Variants in NPSR1 observed in about 807,000 individuals in gnomAD.
The protein encoded by NPSR1 is neuropeptide S receptor.
Under a neutral mutation model 46.9 loss-of-function variants are expected in NPSR1, and 48 were observed. The observed-to-expected ratio is 1.02, with a 90% confidence interval of 0.81 to 1.30. NPSR1 has a LOEUF of 1.30. Ranked by LOEUF, NPSR1 falls within the 50% of genes most tolerant of loss-of-function variation. The probability of loss-of-function intolerance (pLI) is 0.00; values close to 1 mark genes in which losing one functional copy is unlikely to be tolerated. For missense variants in NPSR1, 450 were observed against 449.5 expected, an observed-to-expected ratio of 1.00 and a Z score of -0.01; for synonymous variants, 176 against 168.1, an observed-to-expected ratio of 1.05 and a Z score of -0.36.
chr7:34,849,373 C>T, intron 8 of NPSR1, 192 bp from the exon 9 acceptor site: 2 of 1,552,218 alleles, frequency 1.3e-6, no homozygotes, highest in Non-Finnish European at 1.7e-6. Flanking sequence ...GTCCTCTGGG[C>T]TCTGGTGCTG....
intron 2 of NPSR1, among the ~76,000 whole-genome samples, chr7:34,734,060 C>G (rs1583905168): frequency 6.6e-6 from 1 of 152,016 alleles, no homozygotes; most frequent in African/African-American, 2.4e-5. Context: ...GAATGGAGGA[C>G]AGATGGGAAA....
chr7:34,715,393 G>T (rs1180363029), intron 2 of NPSR1, among the ~76,000 whole-genome samples: 1 of 152,188 alleles, frequency 6.6e-6, no homozygotes, highest in Non-Finnish European at 1.5e-5. Flanking sequence ...AAACATTTGA[G>T]TCAGAAAACC....
chr7:34,737,423 C>G (rs1784730109), intron 2 of NPSR1, among the ~76,000 whole-genome samples: 1 of 152,194 alleles, frequency 6.6e-6, no homozygotes. Flanking sequence ...TCTTTACCAC[C>G]CATTAGAGGA....
chr7:34,792,719 A>G lies in NPSR1; in HGVS notation c.384+14154A>G, dbSNP rs144704099. Among the ~76,000 whole-genome samples, 425 of 123,390 alleles carry G rather than the reference A, an allele frequency of 3.4e-3. 10 individuals are homozygous for G. Among genetic ancestry groups the G allele is most frequent in the African/African-American group, 0.012 (400 of 32,712 alleles). The allele number at this position is 123,390 out of a possible 152,430, so 80.9% of individuals were successfully genotyped here. ...TATATACGTATATATATATATTTAT[A>G]TATATATATATATATTAGCCAGGCA... is the stretch of plus-strand genomic sequence containing the variant. On this transcript the variant is annotated intron_variant, in intron 3 of 8. Coordinates refer to ENST00000360581, the MANE Select transcript of NPSR1 (RefSeq NM_207172.2).
chr7:34,792,487 C>T (rs1054439014), intron 3 of NPSR1, among the ~76,000 whole-genome samples: 17 of 145,772 alleles, frequency 1.2e-4, no homozygotes, highest in African/African-American at 4.3e-4. Flanking sequence ...TGGCAAACCC[C>T]TATCTCTACA....
intron 8 of NPSR1, among the ~76,000 whole-genome samples, chr7:34,876,130 C>T (rs183801934): frequency 2.6e-5 from 4 of 152,164 alleles, no homozygotes; most frequent in Admixed American, 6.5e-5. Flanking sequence ...AGACCACAAG[C>T]GGATCAGGGA....
chr7:34,750,739 G>T, intron 2 of NPSR1: 1 of 693,920 alleles, frequency 1.4e-6, no homozygotes, highest in Non-Finnish European at 2.7e-6. Flanking sequence ...TCTTGCAAGG[G>T]CCTTGCTCTG....
At chr7:34,733,135 A>G (rs951511977) in intron 2 of NPSR1, among the ~76,000 whole-genome samples, 3 of 152,202 alleles carry the variant, frequency 2.0e-5, no homozygotes, top group African/African-American at 7.2e-5. Context: ...TTAAGAATCC[A>G]TGCAGGCCAG....
chr7:34,813,012 CA>C (rs572692907), intron 4 of NPSR1, among the ~76,000 whole-genome samples: 8 of 152,122 alleles, frequency 5.3e-5, no homozygotes, highest in Non-Finnish European at 8.8e-5. Context: ...TTACTATTGA[CA>C]GGGGTATAAG....
chr7:34,781,680 C>T (rs1457470483), intron 3 of NPSR1, among the ~76,000 whole-genome samples: 2 of 152,130 alleles, frequency 1.3e-5, no homozygotes, highest in East Asian at 3.9e-4. Context: ...CAGTTGCTGT[C>T]GAGCTGCTTT....
At chr7:34,737,938 C>A (rs1482539336) in intron 2 of NPSR1, among the ~76,000 whole-genome samples, 3 of 152,114 alleles carry the variant, frequency 2.0e-5, no homozygotes, top group Non-Finnish European at 2.9e-5. Flanking sequence ...ATGTTTACTG[C>A]CTATATCCCA....
Position 34,783,624 on chromosome 7 carries a change from C to T in NPSR1, c.384+5059C>T, listed in dbSNP as rs564758766. Among the ~76,000 whole-genome samples the T allele has an allele frequency of 7.9e-5, 12 of 151,986 alleles. No homozygotes were observed. The South Asian group carries it at 2.5e-3, about 32-fold the overall frequency. ...AATAATAGCAGAATAGTTTGCAAAT[C>T]TGGGGAAAGATACAAATATCCAGGT... is the stretch of plus-strand genomic sequence containing the variant. On this transcript the variant is annotated intron_variant, in intron 3 of 8. Transcript: ENST00000360581.
intron 2 of NPSR1, among the ~76,000 whole-genome samples, chr7:34,743,596 C>T (rs1327263451): frequency 8.5e-5 from 13 of 152,138 alleles, no homozygotes; most frequent in Admixed American, 2.6e-4. Flanking sequence ...CCCACTACCA[C>T]GCCTGGCTAA....
At chr7:34,768,649 T>C (rs1786537577) in intron 2 of NPSR1, among the ~76,000 whole-genome samples, 2 of 152,148 alleles carry the variant, frequency 1.3e-5, no homozygotes, top group East Asian at 1.9e-4. Context: ...TTGTATAATA[T>C]TATATAAAAC....
At chr7:34,686,363 G>C (rs1206655866) in intron 2 of NPSR1, among the ~76,000 whole-genome samples, 1 of 152,120 alleles carries the variant, frequency 6.6e-6, no homozygotes, top group Non-Finnish European at 1.5e-5. Context: ...AAGCTCAATG[G>C]TCTGAGATTG....
chr7:34,696,518 G>C lies in NPSR1; in HGVS notation c.280+11834G>C, dbSNP rs1439740649. 5.3e-5 allele frequency among the ~76,000 whole-genome samples: 8 copies of C among 152,048 alleles called. No individual in the cohort carries two copies. The East Asian group carries it at 1.4e-3, about 26-fold the overall frequency. On this transcript the variant is annotated intron_variant, in intron 2 of 8. Coordinates refer to ENST00000360581, the MANE Select transcript of NPSR1 (RefSeq NM_207172.2). The stretch of plus-strand genomic sequence containing the variant: ...AAAATAATGAAGATTGAATGTCCTA[G>C]AAAGGAATAAAACAAAACATTTAGG...
At chr7:34,805,479 CAAAAAAA>C (rs57776086) in intron 3 of NPSR1, among the ~76,000 whole-genome samples, 31 of 71,940 alleles carry the variant, frequency 4.3e-4, no homozygotes, top group Middle Eastern at 0.01. Flanking sequence ...TATCCACATG[CAAAAAAA>C]AAAAAAAAAA....
intron 8 of NPSR1, among the ~76,000 whole-genome samples, chr7:34,877,481 G>A (rs1196969084): frequency 6.6e-6 from 1 of 152,182 alleles, no homozygotes; most frequent in Non-Finnish European, 1.5e-5. Flanking sequence ...GGGGGTCTGG[G>A]AAGGGGATGG....
intron 1 of NPSR1, among the ~76,000 whole-genome samples, chr7:34,662,323 T>C (rs1221824360): frequency 6.6e-6 from 1 of 152,156 alleles, no homozygotes. Flanking sequence ...TTGTACACCC[T>C]CCCTGCCACG....
Sources: gnomAD v4.1 joint callset for allele counts (sites outside exome capture counted in the v4.1 genomes callset) on GRCh38, gnomAD v4.1.1 for gene constraint, MANE v1.5 for transcripts, NCBI Gene and HGNC (gene_info 2026-07-23, HGNC 2026-07-21) for gene names.